Variants in IPO5 observed in about 807,000 individuals in gnomAD.
IPO5 encodes the protein importin 5.
IPO5 carries 18 observed loss-of-function variants against 143.3 expected under a neutral mutation model. That is an observed-to-expected ratio of 0.13 (90% CI 0.09 to 0.19). IPO5 has a LOEUF of 0.19. Ranked by LOEUF, IPO5 falls within the 10% of genes least tolerant of loss-of-function variation. The probability of loss-of-function intolerance (pLI) is 1.00; values close to 1 mark genes in which losing one functional copy is unlikely to be tolerated. For synonymous variants in IPO5, 477 were observed against 465.7 expected, an observed-to-expected ratio of 1.02 and a Z score of -0.31; for missense variants, 1,013 against 1,336.9, an observed-to-expected ratio of 0.76 and a Z score of 3.78.
At chr13:97,958,464 T>G (rs1288229256) in intron 2 of IPO5, among the ~76,000 whole-genome samples, 1 of 152,072 alleles carries the variant, frequency 6.6e-6, no homozygotes, top group Non-Finnish European at 1.5e-5. Context: ...ATCAAGAAAT[T>G]CCAGAAGCTT....
At chr13:97,996,315 T>C (rs1888284554) in intron 11 of IPO5, among the ~76,000 whole-genome samples, 1 of 152,118 alleles carries the variant, frequency 6.6e-6, no homozygotes, top group South Asian at 2.1e-4. Context: ...CCTCCCGAAG[T>C]GCTGGGATAA....
At chr13:97,979,625 A>G (rs1447426566) in intron 4 of IPO5, among the ~76,000 whole-genome samples, 1 of 152,228 alleles carries the variant, frequency 6.6e-6, no homozygotes, top group Non-Finnish European at 1.5e-5. Context: ...TATTAATCAT[A>G]TGCATGGATT....
chr13:98,017,546 C>T (rs1351074369), intron 25 of IPO5, among the ~76,000 whole-genome samples: 1 of 152,032 alleles, frequency 6.6e-6, no homozygotes, highest in African/African-American at 2.4e-5. Flanking sequence ...GATCCACCCG[C>T]CTCGGCCTCC....
At position 98,021,859 on chromosome 13, in the gene IPO5, A is replaced by C; in HGVS notation, c.*37A>C. 1 of 1,389,360 alleles carries C rather than the reference A, an allele frequency of 7.2e-7. No homozygotes were observed. Among genetic ancestry groups the C allele is most frequent in the Non-Finnish European group, 1.0e-6 (1 of 985,366 alleles). The allele number at this position is 1,389,360 out of a possible 1,614,324, so 86.1% of individuals were successfully genotyped here. On this transcript the variant is annotated 3_prime_UTR_variant, in exon 29 of 29. Coordinates refer to ENST00000651721, the MANE Select transcript of IPO5 (RefSeq NM_002271.6). ...GTCACCCACCAGAAAACTAACTCCA[A>C]ATAAACGCTTACCCTTTCCTTTAGG...
In IPO5 at chr13:98,020,093, C is replaced by T. The variant is rs562737953; in HGVS notation, c.3065+284C>T. Among the ~76,000 whole-genome samples the T allele has an allele frequency of 5.9e-5, 9 of 152,176 alleles. No homozygotes were observed. In the South Asian group the frequency reaches 1.7e-3, roughly 28 times the overall value. ...CTTTGTTTTTAAATTTTTTTGGTAG[C>T]GACAAGGTCTTAACTGTTTTGCACA... On this transcript the variant is annotated intron_variant, in intron 27 of 28. Transcript: ENST00000651721.
intron 3 of IPO5, among the ~76,000 whole-genome samples, chr13:97,973,227 T>C (rs1032636265): frequency 4.6e-5 from 7 of 151,924 alleles, no homozygotes; most frequent in African/African-American, 1.7e-4. Flanking sequence ...TTTGTATTTC[T>C]AGTAGAGACG....
intron 22 of IPO5, among the ~76,000 whole-genome samples, chr13:98,015,204 G>A (rs576533537): frequency 3.3e-5 from 5 of 150,800 alleles, no homozygotes; most frequent in Middle Eastern, 3.4e-3. Flanking sequence ...TTGTGTGTAC[G>A]GAGTATGGAT....
At chr13:97,996,805 G>A (rs915265615) in intron 11 of IPO5, among the ~76,000 whole-genome samples, 1 of 151,914 alleles carries the variant, frequency 6.6e-6, no homozygotes, top group African/African-American at 2.4e-5. Context: ...TGTTAGCCAG[G>A]ATGGTCTCGA....
chr13:98,015,992 T>C lies in IPO5; in HGVS notation c.2493+211T>C, dbSNP rs138249694. ...CGGTGCTATGTGCATTTTGTTGTAA[T>C]ACCTCACTCAACAAAACACCTTGAG... On this transcript the variant is annotated intron_variant, in intron 24 of 28. Coordinates refer to ENST00000651721, the MANE Select transcript of IPO5 (RefSeq NM_002271.6). Among the ~76,000 whole-genome samples the C allele has an allele frequency of 4.8e-3, 735 of 152,372 alleles. 3 individuals carry two copies. Among genetic ancestry groups the C allele is most frequent in the Non-Finnish European group, 8.0e-3 (541 of 68,036 alleles).
chr13:97,987,775 T>G (rs1437287485), intron 6 of IPO5, among the ~76,000 whole-genome samples: 1 of 152,224 alleles, frequency 6.6e-6, no homozygotes, highest in Non-Finnish European at 1.5e-5. Context: ...AGTGCTGAGA[T>G]TAGAGGCATG....
intron 4 of IPO5, among the ~76,000 whole-genome samples, chr13:97,981,890 A>G (rs1335375691): frequency 6.6e-6 from 1 of 152,178 alleles, no homozygotes; most frequent in African/African-American, 2.4e-5. Flanking sequence ...GTCCTGAGTC[A>G]CAAACCTCTT....
At chr13:97,961,590 G>T (rs1365795466) in intron 2 of IPO5, among the ~76,000 whole-genome samples, 1 of 152,156 alleles carries the variant, frequency 6.6e-6, no homozygotes, top group Admixed American at 6.6e-5. Flanking sequence ...GTCAACACTT[G>T]CTGTTGCCTT....
rs758269720 is a variant in IPO5, at chr13:97,989,079, C to A, written c.382C>A (p.Gln128Lys). 7 of 1,611,098 alleles carry A rather than the reference C, an allele frequency of 4.3e-6. No homozygotes were observed. In the African/African-American group the frequency reaches 8.0e-5, roughly 18 times the overall value. The change falls in exon 7 of 29, where the codon CAG becomes AAG. Residue 128 changes from glutamine (Q) to lysine (K), a missense_variant. Transcript: ENST00000651721. ...ACTTTCAGATGAGGATGGCAATAAC[C>A]AGTGGCCCGAAGGTTTGAAGTTCCT... ...RNLIDEDGNN[Q>K]WPEGLKFLFD... is the part of the protein sequence containing the mutation.
At chr13:97,965,132 T>C (rs985825330) in intron 2 of IPO5, among the ~76,000 whole-genome samples, 6 of 151,526 alleles carry the variant, frequency 4.0e-5, no homozygotes, top group African/African-American at 1.2e-4. Context: ...TAAGTGGGAG[T>C]TGGACAATGA....
intron 16 of IPO5, among the ~76,000 whole-genome samples, chr13:98,005,173 A>G (rs7320654): frequency 0.55 from 82,929 of 149,500 alleles, 24,064 homozygotes; most frequent in African/African-American, 0.74. Context: ...CTGGGATTAC[A>G]GGTGTGAGTC....
At chr13:98,020,873 T>C in intron 27 of IPO5, 119 bp from the exon 28 acceptor site, 1 of 706,232 alleles carries the variant, frequency 1.4e-6, no homozygotes, top group Non-Finnish European at 2.4e-6. Context: ...AAAGAGTTCA[T>C]ATATAAGATT....
chr13:97,973,007 A>C (rs1295360924), intron 3 of IPO5, among the ~76,000 whole-genome samples: 3 of 136,584 alleles, frequency 2.2e-5, no homozygotes, highest in Non-Finnish European at 4.9e-5. Flanking sequence ...GGCTGTTTTT[A>C]TGGAATATCT....
intron 4 of IPO5, among the ~76,000 whole-genome samples, chr13:97,977,539 T>C (rs759761357): frequency 6.6e-6 from 1 of 152,240 alleles, no homozygotes; most frequent in Non-Finnish European, 1.5e-5. Context: ...TTCCGTTGTT[T>C]AACTGGGCCA....
At chr13:97,997,447 A>G (rs1372591943) in intron 11 of IPO5, 84 bp from the exon 12 acceptor site, 20 of 698,128 alleles carry the variant, frequency 2.9e-5, no homozygotes, top group Non-Finnish European at 4.7e-5. Flanking sequence ...AGGCAAAGTA[A>G]AATCTTAAAA....
Sources: gnomAD v4.1 joint callset for allele counts (sites outside exome capture counted in the v4.1 genomes callset) on GRCh38, gnomAD v4.1.1 for gene constraint, MANE v1.5 for transcripts, NCBI Gene and HGNC (gene_info 2026-07-23, HGNC 2026-07-21) for gene names.